The following MAGI2 variants were observed in gnomAD, a reference collection of about 807,000 sequenced individuals.
MAGI2 encodes the protein membrane associated guanylate kinase, WW and PDZ domain containing 2, also known as membrane-associated guanylate kinase, WW and PDZ domain-containing protein 2.
A neutral mutation model predicts 133.3 loss-of-function variants in MAGI2; 35 were observed. The observed-to-expected ratio is 0.26, with a 90% CI of 0.20 to 0.35. The LOEUF (loss-of-function observed/expected upper bound fraction) is 0.35, where lower values mean the gene tolerates loss of function less well. Among genes scored for constraint, MAGI2 ranks in the 10% least tolerant of loss-of-function variants. The probability of loss-of-function intolerance (pLI) is 1.00; values close to 1 mark genes in which losing one functional copy is unlikely to be tolerated. For missense variants in MAGI2, 1,636 were observed against 1,863.4 expected (o/e 0.88, Z 2.25); for synonymous variants, 729 against 710.6 (o/e 1.03, Z -0.41).
At chr7:78,781,379 A>C (rs1181662724) in intron 2 of MAGI2, among the ~76,000 whole-genome samples, 2 of 78,264 alleles carry the variant, frequency 2.6e-5, no homozygotes, top group African/African-American at 9.4e-5. Flanking sequence ...ACTCCGTCTC[A>C]CAAAAAAAAA....
At chr7:78,855,220 G>T (rs570545554) in intron 2 of MAGI2, among the ~76,000 whole-genome samples, 2 of 151,966 alleles carry the variant, frequency 1.3e-5, no homozygotes, top group Non-Finnish European at 2.9e-5. Context: ...CCAAGTAGCT[G>T]GGACTACAGG....
chr7:78,392,324 G>A (rs1373025353), intron 6 of MAGI2, among the ~76,000 whole-genome samples: 1 of 152,090 alleles, frequency 6.6e-6, no homozygotes, highest in African/African-American at 2.4e-5. Flanking sequence ...ATAGAAGTGG[G>A]GGCTGTTAGG....
rs149412785 is a variant in MAGI2 at position 78,853,791 on chromosome 7, T to A, written c.418+153299A>T. ...TGTGGATCATCACTAATTTCCACAT[T>A]CACCCCTCTCTTGGTGGTGGACAAC... On this transcript the variant is annotated intron_variant, in intron 2 of 21. Transcript: ENST00000354212. Among the ~76,000 whole-genome samples the A allele has an allele frequency of 6.4e-3, 979 of 152,162 alleles. 7 individuals carry two copies. Among genetic ancestry groups the A allele is most frequent in the Non-Finnish European group, 8.8e-3 (597 of 67,970 alleles).
At chr7:78,916,359 T>C (rs531764741) in intron 2 of MAGI2, among the ~76,000 whole-genome samples, 99 of 152,270 alleles carry the variant, frequency 6.5e-4, no homozygotes, top group African/African-American at 2.2e-3. Flanking sequence ...ATTTATTTAT[T>C]CATTCAACAA....
In MAGI2 at chr7:79,391,504, T is replaced by G. The variant is rs201582862; in HGVS notation, c.301+61516A>C. Among the ~76,000 whole-genome samples the G allele has an allele frequency of 3.0e-4, 13 of 44,054 alleles. No individual in the cohort carries two copies. The East Asian group carries it at 3.4e-3, about 12-fold the overall frequency. 28.9% of individuals were successfully genotyped at this position (44,054 alleles called of 152,430 possible). On this transcript the variant is annotated intron_variant, in intron 1 of 21. Coordinates refer to ENST00000354212, the MANE Select transcript of MAGI2 (RefSeq NM_012301.4). ...TACCTTTAACATATATATATATATA[T>G]AGACATATATATATATATATATATA... is the stretch of plus-strand genomic sequence containing the variant.
At chr7:78,099,977 C>A (rs1036109943) in intron 20 of MAGI2, among the ~76,000 whole-genome samples, 1 of 152,204 alleles carries the variant, frequency 6.6e-6, no homozygotes, top group African/African-American at 2.4e-5. Context: ...TTCTTACACT[C>A]TTCTTACAGT....
At chr7:78,177,793 T>C (rs1009893791) in intron 14 of MAGI2, among the ~76,000 whole-genome samples, 2 of 152,182 alleles carry the variant, frequency 1.3e-5, no homozygotes, top group East Asian at 1.9e-4. Context: ...AATGTCCCTA[T>C]TGAATGTGAT....
At chr7:78,751,883 G>A (rs1165409934) in intron 2 of MAGI2, among the ~76,000 whole-genome samples, 1 of 152,204 alleles carries the variant, frequency 6.6e-6, no homozygotes, top group East Asian at 1.9e-4. Flanking sequence ...AAGTTGCATA[G>A]AAGTTCTATT....
intron 9 of MAGI2, among the ~76,000 whole-genome samples, chr7:78,288,671 C>T (rs1316604264): frequency 6.6e-6 from 1 of 152,216 alleles, no homozygotes; most frequent in East Asian, 1.9e-4. Flanking sequence ...TCCCTGACTC[C>T]CAAGTAGCCT....
At chr7:78,305,324 T>G (rs1798164898) in intron 9 of MAGI2, among the ~76,000 whole-genome samples, 1 of 152,270 alleles carries the variant, frequency 6.6e-6, no homozygotes, top group African/African-American at 2.4e-5. Context: ...TTGTGCCCCC[T>G]TTGTATGGAG....
At chr7:78,807,492 G>T (rs562830420) in intron 2 of MAGI2, among the ~76,000 whole-genome samples, 38 of 151,926 alleles carry the variant, frequency 2.5e-4, no homozygotes, top group African/African-American at 8.9e-4. Context: ...ATGTCATATA[G>T]CCCCTGGAAA....
At chr7:78,751,624 A>G (rs1182523928) in intron 2 of MAGI2, among the ~76,000 whole-genome samples, 1 of 152,258 alleles carries the variant, frequency 6.6e-6, no homozygotes, top group African/African-American at 2.4e-5. Flanking sequence ...ACCAAGTAAT[A>G]TATTTTAACA....
At chr7:79,382,628 G>A (rs1843874282) in intron 1 of MAGI2, among the ~76,000 whole-genome samples, 1 of 151,542 alleles carries the variant, frequency 6.6e-6, no homozygotes, top group African/African-American at 2.4e-5. Flanking sequence ...TTTTTGTAAG[G>A]TTTAAATGAT....
At position 78,800,046 on chromosome 7, in the gene MAGI2, G is replaced by A. The variant is rs538442192; in HGVS notation, c.419-172807C>T. Among the ~76,000 whole-genome samples the A allele has an allele frequency of 2.0e-5, 3 of 152,042 alleles. No homozygotes were observed. In the South Asian group the frequency reaches 6.2e-4, roughly 32 times the overall value. On this transcript the variant is annotated intron_variant, in intron 2 of 21. Transcript: ENST00000354212. ...GGCAATTTGATTAAACTTGCCCCTA[G>A]CAGCTCTGTGGTATGATTCATCTTT...
chr7:78,183,655 C>T (rs1234424684), intron 13 of MAGI2, among the ~76,000 whole-genome samples: 2 of 152,168 alleles, frequency 1.3e-5, no homozygotes, highest in Non-Finnish European at 2.9e-5. Context: ...ACCTCACATT[C>T]CTGGGTTCAA....
chr7:78,529,668 G>T (rs200259769), intron 3 of MAGI2, among the ~76,000 whole-genome samples: 716 of 57,396 alleles, frequency 0.012, 17 homozygotes, highest in African/African-American at 0.036. Flanking sequence ...AAAGGAGATG[G>T]TTTTTTTTTT....
At chr7:78,858,068 A>C (rs1374728506) in intron 2 of MAGI2, among the ~76,000 whole-genome samples, 2 of 152,122 alleles carry the variant, frequency 1.3e-5, no homozygotes, top group African/African-American at 4.8e-5. Context: ...CTCTGATGGT[A>C]GTTTGTATTT....
At chr7:78,888,727 A>G (rs1796476352) in intron 2 of MAGI2, among the ~76,000 whole-genome samples, 1 of 152,164 alleles carries the variant, frequency 6.6e-6, no homozygotes, top group African/African-American at 2.4e-5. Context: ...AACCCCATCC[A>G]TACATCACCA....
At chr7:78,688,017 A>G (rs1427088459) in intron 2 of MAGI2, among the ~76,000 whole-genome samples, 2 of 151,406 alleles carry the variant, frequency 1.3e-5, no homozygotes, top group Non-Finnish European at 2.9e-5. Flanking sequence ...AAGAAAAGAA[A>G]AAAAGCAAAC....
Sources: gnomAD v4.1 joint callset for allele counts (sites outside exome capture counted in the v4.1 genomes callset) on GRCh38, gnomAD v4.1.1 for gene constraint, MANE v1.5 for transcripts, NCBI Gene and HGNC (gene_info 2026-07-23, HGNC 2026-07-21) for gene names.